Variants in ETV7 observed in about 807,000 individuals in gnomAD.
ETV7 encodes the protein transcription factor ETV7.
A neutral mutation model predicts 39.1 loss-of-function variants in ETV7; 43 were observed. That is an observed-to-expected ratio of 1.10 (90% CI 0.86 to 1.42). ETV7 has a LOEUF of 1.42. ETV7 is among the 40% of genes most tolerant of loss of function. ETV7 has a pLI of 0.00. For synonymous variants in ETV7, 196 were observed against 176.6 expected (o/e 1.11, Z -0.87); for missense variants, 432 against 442.3 (o/e 0.98, Z 0.21).
At chr6:36,358,442 A>C (rs2127380644) in intron 7 of ETV7, among the ~76,000 whole-genome samples, 1 of 152,358 alleles carries the variant, frequency 6.6e-6, no homozygotes, top group Non-Finnish European at 1.5e-5. Flanking sequence ...TCAGTCAGGA[A>C]AAAATAATGT....
downstream of ETV7, among the ~76,000 whole-genome samples, chr6:36,362,070 A>G (rs1186252820): frequency 6.6e-6 from 1 of 152,194 alleles, no homozygotes; most frequent in Non-Finnish European, 1.5e-5. Context: ...AGACTGAGGC[A>G]GGCGGATCAC....
Position 36,366,358 on chromosome 6 carries a change from G to A in ETV7, c.*287C>T. On this transcript the variant is annotated 3_prime_UTR_variant, in exon 8 of 8. Coordinates refer to ENST00000340181, the MANE Select transcript of ETV7 (RefSeq NM_016135.4). ...GGTAAATTCCATTTACAGGGGTGGG[G>A]CTGGGTGCTCTATCGGTGCCTGGCT... 2.4e-6 allele frequency: 3 copies of A among 1,234,138 alleles called. No individual in the cohort carries two copies. The highest frequency in any genetic ancestry group is 3.1e-6 in the Non-Finnish European group (3 of 980,790). 76.4% of individuals were successfully genotyped at this position (1,234,138 alleles called of 1,614,324 possible). A position where few individuals can be genotyped will look rare whatever the true frequency, so the allele number is the denominator to read the frequency against.
At position 36,375,880 on chromosome 6, in the gene ETV7, G is replaced by A. The variant is rs747934069; in HGVS notation, c.298C>T (p.Pro100Ser). The stretch of plus-strand genomic sequence containing the variant: ...TGTGCGTTTCCCTGACCTGAGCTGG[G>A]CGCACGGTGCCGGAAGTCGTCCTTG... Reference protein sequence around the residue: ...LTKDDFRHRAPSSGDVLYELL... With the variant: ...LTKDDFRHRASSSGDVLYELL... The change falls in exon 3 of 8, where the codon CCC (proline) becomes TCC (serine). Residue 100 changes from proline (P) to serine (S), a missense_variant. Physicochemically the swap from Pro to Ser is moderately conservative, Grantham distance 74 (BLOSUM62 -1). Coordinates refer to ENST00000340181, the MANE Select transcript of ETV7 (RefSeq NM_016135.4). The A allele has an allele frequency of 9.3e-6, 15 of 1,613,896 alleles. No homozygotes were observed. Among genetic ancestry groups the A allele is most frequent in the Non-Finnish European group, 1.3e-5 (15 of 1,180,036 alleles).
At chr6:36,378,192 C>G (rs1408442018) in intron 2 of ETV7, among the ~76,000 whole-genome samples, 2 of 137,284 alleles carry the variant, frequency 1.5e-5, no homozygotes, top group South Asian at 4.5e-4. Context: ...TAATACATGA[C>G]AGAGGCAGGA....
At chr6:36,382,609 G>T (rs1041475844) in intron 2 of ETV7, among the ~76,000 whole-genome samples, 2 of 152,174 alleles carry the variant, frequency 1.3e-5, no homozygotes, top group Non-Finnish European at 2.9e-5. Context: ...TCTCTCACAT[G>T]TGAAGGATGT....
chr6:36,383,878 C>T (rs1450356206), intron 2 of ETV7, among the ~76,000 whole-genome samples: 1 of 152,242 alleles, frequency 6.6e-6, no homozygotes, highest in African/African-American at 2.4e-5. Flanking sequence ...CCCATAGGCC[C>T]TGCCTCTCAC....
chr6:36,382,747 A>G (rs1015041385), intron 2 of ETV7, among the ~76,000 whole-genome samples: 2 of 152,074 alleles, frequency 1.3e-5, no homozygotes, highest in African/African-American at 4.8e-5. Context: ...AGGACACGGC[A>G]CTCTACGTCT....
intron 4 of ETV7, among the ~76,000 whole-genome samples, chr6:36,372,237 G>A (rs1773067095): frequency 6.6e-6 from 1 of 152,140 alleles, no homozygotes; most frequent in African/African-American, 2.4e-5. Context: ...AACAGTAAGT[G>A]CAAAGGCCCT....
intron 5 of ETV7, 88 bp from the exon 6 acceptor site, chr6:36,369,159 G>C: frequency 6.6e-7 from 1 of 1,506,794 alleles, no homozygotes; most frequent in Non-Finnish European, 9.1e-7. Context: ...GAAGCCTCCC[G>C]GCCAGAGCCC....
chr6:36,384,225 A>C (rs1773787560), intron 2 of ETV7, among the ~76,000 whole-genome samples: 1 of 152,198 alleles, frequency 6.6e-6, no homozygotes, highest in Non-Finnish European at 1.5e-5. Context: ...CCAAGGCAAC[A>C]GAACTGGTAG....
downstream of ETV7, among the ~76,000 whole-genome samples, chr6:36,364,029 A>C (rs1435641019): frequency 6.6e-6 from 1 of 152,078 alleles, no homozygotes; most frequent in Non-Finnish European, 1.5e-5. Flanking sequence ...ACAAACCCTG[A>C]GCTAGACACA....
At chr6:36,374,203 T>A (rs1159275075) in intron 3 of ETV7, among the ~76,000 whole-genome samples, 1 of 151,758 alleles carries the variant, frequency 6.6e-6, no homozygotes, top group Non-Finnish European at 1.5e-5. Flanking sequence ...ACAAAAATTT[T>A]AAAAATCAGC....
chr6:36,363,489 G>T (rs13196299), downstream of ETV7, among the ~76,000 whole-genome samples: 3 of 120,606 alleles, frequency 2.5e-5, no homozygotes, highest in Non-Finnish European at 5.0e-5. Flanking sequence ...TCCCGGTGGG[G>T]TCGTGGGCTC....
intron 7 of ETV7, among the ~76,000 whole-genome samples, chr6:36,360,993 T>A (rs1179323314): frequency 6.6e-6 from 1 of 152,208 alleles, no homozygotes; most frequent in African/African-American, 2.4e-5. Flanking sequence ...ATCAGCTACA[T>A]CTGTTTCCCC....
chr6:36,375,396 CCAT>C (rs1773268791), intron 3 of ETV7, among the ~76,000 whole-genome samples: 1 of 152,178 alleles, frequency 6.6e-6, no homozygotes, highest in African/African-American at 2.4e-5. Context: ...TGCTGGAACA[CCAT>C]CATCTGACAT....
chr6:36,386,858 GC>G (rs1425672306), intron 1 of ETV7: 1 of 153,236 alleles, frequency 6.5e-6, no homozygotes, highest in Non-Finnish European at 1.5e-5. Flanking sequence ...GGGGCTCAAG[GC>G]ACAGGACTTG....
In ETV7 at chr6:36,368,925, T is replaced by G. The variant is rs1322622760; in HGVS notation, c.807+4A>C. ...TTGAGACCATTCTGCTGGCCGAGGC[T>G]CACCTTGTGATTTCCCCAGAGTCTG... is the stretch of plus-strand genomic sequence containing the variant. On this transcript the variant is annotated splice_donor_region_variant and intron_variant, in intron 6 of 7. Coordinates refer to ENST00000340181, the MANE Select transcript of ETV7 (RefSeq NM_016135.4). The G allele has an allele frequency of 6.2e-7, 1 of 1,614,120 alleles. No individual in the cohort carries two copies. Among genetic ancestry groups the G allele is most frequent in the South Asian group, 1.1e-5 (1 of 91,084 alleles).
At chr6:36,358,637 A>T (rs1243879456) in intron 7 of ETV7, among the ~76,000 whole-genome samples, 7 of 152,206 alleles carry the variant, frequency 4.6e-5, no homozygotes, top group Non-Finnish European at 8.8e-5. Context: ...GGGGTGGTGG[A>T]GAAGAAAGTG....
At position 36,366,932 on chromosome 6, in the gene ETV7, C is replaced by T. The variant is rs768642185; in HGVS notation, c.851G>A (p.Arg284His). The T allele has an allele frequency of 5.6e-6, 9 of 1,614,004 alleles. No individual in the cohort carries two copies. Among genetic ancestry groups the T allele is most frequent in the Middle Eastern group, 1.6e-4 (1 of 6,062 alleles). Residue 284 changes from arginine (R) to histidine (H), a missense_variant, in exon 7 of 8, where the codon CGC becomes CAC. Coordinates refer to ENST00000340181, the MANE Select transcript of ETV7 (RefSeq NM_016135.4). The part of the protein sequence containing the change: ...MTYEKMSRAL[R>H]HYYKLNIIKK... ...AATGATATTAAGCTTATAATAGTGG[C>T]GCAGGGCACGAGACATCTTCTCGTA... is the stretch of plus-strand genomic sequence containing the variant.
Sources: gnomAD v4.1 joint callset for allele counts (sites outside exome capture counted in the v4.1 genomes callset) on GRCh38, gnomAD v4.1.1 for gene constraint, MANE v1.5 for transcripts, NCBI Gene and HGNC (gene_info 2026-07-23, HGNC 2026-07-21) for gene names.